The following CDH23 variants were observed in gnomAD, a reference collection of about 807,000 sequenced individuals.
CDH23 encodes cadherin-23.
A neutral mutation model predicts 317.1 loss-of-function variants in CDH23; 189 were observed. That is an observed-to-expected ratio of 0.60 (90% CI 0.53 to 0.67). CDH23 has a LOEUF of 0.67. CDH23 is among the 30% of genes least tolerant of loss of function. The probability of loss-of-function intolerance (pLI) is 0.00; values close to 1 mark genes in which losing one functional copy is unlikely to be tolerated. For synonymous variants in CDH23, 1,839 were observed against 1,876.8 expected (o/e 0.98, Z 0.52); for missense variants, 4,401 against 4,592.4 (o/e 0.96, Z 1.20).
chr10:71,706,731 G>A (rs1396134319), intron 25 of CDH23, among the ~76,000 whole-genome samples, 166 bp from the exon 26 acceptor site: 1 of 152,212 alleles, frequency 6.6e-6, no homozygotes, highest in Non-Finnish European at 1.5e-5. Flanking sequence ...GGGCATGGGG[G>A]GCCCTGGGCT....
At chr10:71,495,341 G>C (rs540610622) in intron 3 of CDH23, among the ~76,000 whole-genome samples, 203 of 152,190 alleles carry the variant, frequency 1.3e-3, no homozygotes, top group Non-Finnish European at 2.5e-3. Flanking sequence ...GGTGGGAGGA[G>C]GGCAGGGCAG....
intron 3 of CDH23, among the ~76,000 whole-genome samples, chr10:71,501,118 T>A (rs1344960531): frequency 6.6e-6 from 1 of 152,162 alleles, no homozygotes; most frequent in Admixed American, 6.6e-5. Flanking sequence ...TCCACCCACC[T>A]TGGCCTCCCA....
intron 9 of CDH23, among the ~76,000 whole-genome samples, chr10:71,587,244 A>G (rs562509322): frequency 6.7e-4 from 102 of 152,212 alleles, no homozygotes; most frequent in Non-Finnish European, 1.5e-4. Flanking sequence ...ATTGTTTGCT[A>G]TTCTGCCTGA....
intron 9 of CDH23, among the ~76,000 whole-genome samples, chr10:71,582,061 G>A (rs926191326): frequency 2.6e-5 from 4 of 152,230 alleles, no homozygotes; most frequent in African/African-American, 9.6e-5. Flanking sequence ...AGAGGGTGCT[G>A]GAGAGACTCT....
intron 11 of CDH23, among the ~76,000 whole-genome samples, chr10:71,624,940 A>G (rs1386519637): frequency 1.3e-5 from 2 of 152,022 alleles, no homozygotes; most frequent in Admixed American, 6.6e-5. Flanking sequence ...GTTCTCTCTC[A>G]TCTCAGTTTT....
chr10:71,739,089 G>A (rs968592103), intron 35 of CDH23, among the ~76,000 whole-genome samples: 7 of 152,186 alleles, frequency 4.6e-5, no homozygotes, highest in African/African-American at 9.7e-5. Flanking sequence ...CATCTGTTCC[G>A]TGCATTAGGC....
At chr10:71,628,933 G>A (rs1861877734) in intron 11 of CDH23, among the ~76,000 whole-genome samples, 1 of 152,214 alleles carries the variant, frequency 6.6e-6, no homozygotes, top group South Asian at 2.1e-4. Context: ...CTTTTCACAT[G>A]GGCAAAACGA....
chr10:71,569,339 C>G (rs1176857663), intron 7 of CDH23, among the ~76,000 whole-genome samples: 7 of 152,184 alleles, frequency 4.6e-5, no homozygotes, highest in African/African-American at 1.7e-4. Flanking sequence ...GGAGGAGGCA[C>G]CAGGCTTCTT....
In CDH23 at chr10:71,815,144, T is replaced by C. The variant is rs1401395863; in HGVS notation, c.9931T>C (p.Ser3311Pro). The C allele has an allele frequency of 6.2e-7, 1 of 1,611,414 alleles. No homozygotes were observed. Among genetic ancestry groups the C allele is most frequent in the Non-Finnish European group, 8.5e-7 (1 of 1,179,178 alleles). Residue 3311 changes from serine to proline, a missense_variant, in exon 70 of 70, where the codon TCG (serine) becomes CCG (proline). By Grantham distance (74) the Ser-to-Pro change is moderately conservative. This residue lies in a region of CDH23 where 1,144 missense variants were observed against 1,138.2 expected (regional missense o/e 1.01). Coordinates refer to ENST00000224721, the MANE Select transcript of CDH23 (RefSeq NM_022124.6). ...GGAAGACCAGAAGGGCCTGGGCCGC[T>C]CGCTGGAGACGCTGACCGCTGCCGA... ...PEEDQKGLGR[S>P]LETLTAAEAT...
chr10:71,720,380 G>A (rs1317719016), intron 28 of CDH23, among the ~76,000 whole-genome samples: 1 of 151,762 alleles, frequency 6.6e-6, no homozygotes, highest in Non-Finnish European at 1.5e-5. Context: ...CCCACAGTGC[G>A]GGTGGGCCAC....
chr10:71,525,456 T>C (rs1330914735), intron 6 of CDH23, among the ~76,000 whole-genome samples: 1 of 152,206 alleles, frequency 6.6e-6, no homozygotes, highest in Non-Finnish European at 1.5e-5. Context: ...GGAAGCAGGT[T>C]GTCTGCACAA....
chr10:71,760,201 ATATATGTG>A (rs1391260958), intron 38 of CDH23, among the ~76,000 whole-genome samples: 2 of 57,402 alleles, frequency 3.5e-5, no homozygotes, highest in African/African-American at 1.9e-4. Context: ...GTATATACAT[ATATATGTG>A]TGTATATATG....
chr10:71,599,876 TA>T (rs1358219644), intron 9 of CDH23, among the ~76,000 whole-genome samples: 1 of 152,176 alleles, frequency 6.6e-6, no homozygotes, highest in Non-Finnish European at 1.5e-5. Context: ...TGCTAGGCTT[TA>T]AGCATCTTTC....
chr10:71,689,046 G>C (rs201752308), intron 19 of CDH23, among the ~76,000 whole-genome samples: 161 of 109,210 alleles, frequency 1.5e-3, no homozygotes, highest in African/African-American at 1.9e-3. Flanking sequence ...GGGTGGTGGA[G>C]CCAGGGATGG....
At chr10:71,453,774 C>T (rs2132041324) in intron 3 of CDH23, among the ~76,000 whole-genome samples, 1 of 152,348 alleles carries the variant, frequency 6.6e-6, no homozygotes, top group South Asian at 2.1e-4. Context: ...ACAGCGAGGG[C>T]TGGTGGCAAA....
Position 71,807,520 on chromosome 10 carries a change from CAACG to C in CDH23, c.8316_8319del (p.Asn2772LysfsTer64), listed in dbSNP as rs1275209188. 6.2e-7 allele frequency: 1 copy of C among 1,613,624 alleles called. No homozygotes were observed. The highest frequency in any genetic ancestry group is 8.5e-7 in the Non-Finnish European group (1 of 1,179,744). ...GTGCCATGATCCCACCCTCAGCCGG[CAACG>C]AAGAGAAGAACTTCCATCTGCAGCC... On this transcript the variant is annotated frameshift_variant, in exon 59 of 70. Coordinates refer to ENST00000224721, the MANE Select transcript of CDH23 (RefSeq NM_022124.6). LOFTEE classifies it high-confidence loss of function.
chr10:71,803,324 G>A lies in CDH23; in HGVS notation c.7776G>A (p.Trp2592Ter), dbSNP rs397517353. 4 of 1,594,444 alleles carry A rather than the reference G, an allele frequency of 2.5e-6. No individual in the cohort carries two copies. The Admixed American group carries it at 6.9e-5, about 28-fold the overall frequency. The change falls in exon 55 of 70, where the codon TGG becomes TGA. Residue 2592 changes from tryptophan to a stop codon, truncating the protein, a stop_gained. Coordinates refer to ENST00000224721, the MANE Select transcript of CDH23 (RefSeq NM_022124.6). LOFTEE classifies it high-confidence loss of function. The part of the protein sequence containing the change: ...VATDGGEPPL[W>*]GTTMLLVEVI... ...CAGATGGTGGAGAGCCCCCACTCTG[G>A]GGCACCACCATGCTCCTGGTGGAGG... is the stretch of plus-strand genomic sequence containing the variant.
chr10:71,673,104 T>C (rs939762877), intron 14 of CDH23, among the ~76,000 whole-genome samples: 28 of 152,178 alleles, frequency 1.8e-4, no homozygotes, highest in Admixed American at 5.9e-4. Context: ...CTCTGCCCCT[T>C]CCCTATTTTC....
chr10:71,476,650 T>C (rs1471614521), intron 3 of CDH23, among the ~76,000 whole-genome samples: 1 of 152,230 alleles, frequency 6.6e-6, no homozygotes. Context: ...GTACTTTTGA[T>C]TTCAAGTGTG....
Sources: gnomAD v4.1 joint callset for allele counts (sites outside exome capture counted in the v4.1 genomes callset) on GRCh38, gnomAD v4.1.1 for gene constraint, gnomAD v4.1.1 regional missense constraint, MANE v1.5 for transcripts, NCBI Gene and HGNC (gene_info 2026-07-23, HGNC 2026-07-21) for gene names.